The following TMEM184B variants were observed in gnomAD, a reference collection of about 807,000 sequenced individuals.
TMEM184B encodes putative MAPK-activating protein FM08.
A neutral mutation model predicts 41.8 loss-of-function variants in TMEM184B; 17 were observed. The observed-to-expected ratio is 0.41, with a 90% CI of 0.28 to 0.61. The LOEUF (loss-of-function observed/expected upper bound fraction) is 0.61, where lower values mean the gene tolerates loss of function less well. Ranked by LOEUF, TMEM184B falls within the 20% of genes least tolerant of loss-of-function variation. The pLI is 0.34. For synonymous variants in TMEM184B, 240 were observed against 229.5 expected, an observed-to-expected ratio of 1.05 and a Z score of -0.41; for missense variants, 393 against 557.8, an observed-to-expected ratio of 0.70 and a Z score of 2.98.
intron 3 of TMEM184B, among the ~76,000 whole-genome samples, chr22:38,242,533 C>T (rs1473101791): frequency 1.3e-5 from 2 of 152,174 alleles, no homozygotes; most frequent in Admixed American, 6.5e-5. Context: ...AGCAGGTCCT[C>T]AGGAAGGGCT....
Position 38,219,470 on chromosome 22 carries a change from CA to C in TMEM184B, c.*1998del. On this transcript the variant is annotated 3_prime_UTR_variant, in exon 9 of 9. Coordinates refer to ENST00000361906, the MANE Select transcript of TMEM184B (RefSeq NM_012264.5). Reference sequence around the variant, plus strand: ...AGACTCTGTCTTCTCATACATCATACAATTAATTTTTCAAGTATTCTTTATG... The same window carrying C: ...AGACTCTGTCTTCTCATACATCATACATTAATTTTTCAAGTATTCTTTATG... The C allele has an allele frequency of 1.0e-6, 1 of 985,344 alleles. No individual in the cohort carries two copies. The highest frequency in any genetic ancestry group is 1.2e-6 in the Non-Finnish European group (1 of 829,834). 61.0% of individuals were successfully genotyped at this position (985,344 alleles called of 1,614,324 possible).
At chr22:38,257,146 C>T (rs1044877928) in intron 1 of TMEM184B, among the ~76,000 whole-genome samples, 1 of 151,546 alleles carries the variant, frequency 6.6e-6, no homozygotes, top group Non-Finnish European at 1.5e-5. Flanking sequence ...AACAATATGT[C>T]TGTCACTGAC....
At chr22:38,260,971 C>T (rs1245850558) in intron 1 of TMEM184B, among the ~76,000 whole-genome samples, 1 of 152,228 alleles carries the variant, frequency 6.6e-6, no homozygotes, top group East Asian at 1.9e-4. Context: ...TTCATGCAGC[C>T]TGGGAGGGCT....
intron 3 of TMEM184B, among the ~76,000 whole-genome samples, chr22:38,242,891 G>A (rs9610921): frequency 0.27 from 41,453 of 151,728 alleles, 6,144 homozygotes; most frequent in Admixed American, 0.36. Context: ...GTGAAACCCC[G>A]TCTCTACTAA....
chr22:38,271,711 T>C (rs1464001984), intron 1 of TMEM184B, among the ~76,000 whole-genome samples: 1 of 152,190 alleles, frequency 6.6e-6, no homozygotes, highest in East Asian at 1.9e-4. Context: ...GGCTTGGGCA[T>C]CAAATGTTTC....
chr22:38,233,228 C>T (rs1029884915), intron 3 of TMEM184B, among the ~76,000 whole-genome samples: 2 of 152,236 alleles, frequency 1.3e-5, no homozygotes, highest in South Asian at 2.1e-4. Context: ...GTGGCATCCC[C>T]ATGTATATGT....
Position 38,272,960 on chromosome 22 carries a change from C to CG in TMEM184B, c.-136dup. On this transcript the variant is annotated 5_prime_UTR_variant, in exon 1 of 9. Coordinates refer to ENST00000361906, the MANE Select transcript of TMEM184B (RefSeq NM_012264.5). ...ACTCTGCGGGCGGGGCGGGCGGCGC[C>CG]GCAGCCCCGGAGTCTCCGCCGCCGC... 2.9e-6 allele frequency: 1 copy of CG among 346,306 alleles called. No individual in the cohort carries two copies. The highest frequency in any genetic ancestry group is 4.1e-6 in the Non-Finnish European group (1 of 246,458). 21.5% of individuals were successfully genotyped at this position (346,306 alleles called of 1,614,324 possible).
Position 38,220,519 on chromosome 22 carries a change from G to A in TMEM184B, c.*950C>T, listed in dbSNP as rs943630067. 1.3e-5 allele frequency: 13 copies of A among 985,880 alleles called. No individual in the cohort carries two copies. Among genetic ancestry groups the A allele is most frequent in the Non-Finnish European group, 1.6e-5 (13 of 830,032 alleles). The allele number at this position is 985,880 out of a possible 1,614,324, so 61.1% of individuals were successfully genotyped here. On this transcript the variant is annotated 3_prime_UTR_variant, in exon 9 of 9. Coordinates refer to ENST00000361906, the MANE Select transcript of TMEM184B (RefSeq NM_012264.5). ...TGTGGCCACCCCTCCCGGTCTCCCTGCCGGACTGCCTTCCCCCAGAAGCTG... is the reference window on the plus strand; with the variant it reads ...TGTGGCCACCCCTCCCGGTCTCCCTACCGGACTGCCTTCCCCCAGAAGCTG...
At position 38,224,886 on chromosome 22, in the gene TMEM184B, T is replaced by C. The variant is rs769434524; in HGVS notation, c.881A>G (p.Tyr294Cys). ...SVGEGTVAAG[Y>C]QDFIICVEMF... ...CTCCACACAGATGATGAAGTCCTGG[T>C]AGCCGGCAGCCACGGTGCCCTCGCC... is the stretch of plus-strand genomic sequence containing the variant. Residue 294 changes from tyrosine to cysteine, a missense_variant, in exon 8 of 9, where the codon TAC (tyrosine) becomes TGC (cysteine). Around this residue, in one of 2 missense-constraint regions of TMEM184B, gnomAD observed 271 missense variants for 434.1 expected, o/e 0.62. Coordinates refer to ENST00000361906, the MANE Select transcript of TMEM184B (RefSeq NM_012264.5). 1 of 1,613,580 alleles carries C rather than the reference T, an allele frequency of 6.2e-7. No individual in the cohort carries two copies. The highest frequency in any genetic ancestry group is 8.5e-7 in the Non-Finnish European group (1 of 1,179,960).
chr22:38,256,509 G>A (rs960743034), intron 1 of TMEM184B, among the ~76,000 whole-genome samples: 10 of 151,930 alleles, frequency 6.6e-5, no homozygotes, highest in Admixed American at 3.9e-4. Flanking sequence ...GATTACAGGC[G>A]TGAGCCACCA....
At position 38,225,569 on chromosome 22, in the gene TMEM184B, C is replaced by A. The variant is rs2091408998; in HGVS notation, c.642G>T (p.Val214=). The A allele has an allele frequency of 6.2e-7, 1 of 1,606,212 alleles. No individual in the cohort carries two copies. Among genetic ancestry groups the A allele is most frequent in the Non-Finnish European group, 8.5e-7 (1 of 1,176,962 alleles). ...TGACGGAGATGTTGTAGATGATGGT[C>A]ACGTAGAGGTAGCCACTGGTGACGC... ...DFDVTSGYLY[V]TIIYNISVSL... Residue 214 remains valine, a synonymous_variant, in exon 7 of 9, where the codon GTG becomes GTT. Coordinates refer to ENST00000361906, the MANE Select transcript of TMEM184B (RefSeq NM_012264.5). The surrounding 1 kb of genome is among the most constrained non-coding windows in gnomAD (Gnocchi z 4.4).
chr22:38,260,530 A>C (rs939686161), intron 1 of TMEM184B, among the ~76,000 whole-genome samples: 1 of 152,074 alleles, frequency 6.6e-6, no homozygotes, highest in East Asian at 1.9e-4. Context: ...GAGCCTGACC[A>C]CCTAGACCTG....
chr22:38,224,938 TG>T lies in TMEM184B; in HGVS notation c.828del (p.Ile278SerfsTer56), dbSNP rs1569014045. ...ACCGACACGCGGGCCGAGTGGATTT[TG>T]GGGATGGCCCCACACTTCTCCAGGA... is the stretch of plus-strand genomic sequence containing the variant. ...LAILEKCGAI[P>X]KIHSARVSVG... On this transcript the variant is annotated frameshift_variant, in exon 8 of 9. Coordinates refer to ENST00000361906, the MANE Select transcript of TMEM184B (RefSeq NM_012264.5). LOFTEE classifies it high-confidence loss of function. The T allele has an allele frequency of 6.2e-7, 1 of 1,602,196 alleles. No homozygotes were observed. The highest frequency in any genetic ancestry group is 8.5e-7 in the Non-Finnish European group (1 of 1,174,218).
In TMEM184B at chr22:38,221,154, T is replaced by C; in HGVS notation, c.*315A>G. The stretch of plus-strand genomic sequence containing the variant: ...CAGCCGCTGGTCCACACACAAGCAT[T>C]GGGGCCTGGGTGCGGCTGGTCCCAG... On this transcript the variant is annotated 3_prime_UTR_variant, in exon 9 of 9. Transcript: ENST00000361906. 11 of 1,195,578 alleles carry C rather than the reference T, an allele frequency of 9.2e-6. No homozygotes were observed. Among genetic ancestry groups the C allele is most frequent in the Non-Finnish European group, 1.1e-5 (11 of 960,458 alleles). The allele number at this position is 1,195,578 out of a possible 1,614,324, so 74.1% of individuals were successfully genotyped here.
chr22:38,216,511 AT>A (rs36116754), downstream of TMEM184B: 48,173 of 166,652 alleles, frequency 0.29, 7,339 homozygotes, highest in South Asian at 0.38. Context: ...CAGAGAATAA[AT>A]GTGTATCCTG....
At chr22:38,267,234 C>T (rs1340125471) in intron 1 of TMEM184B, among the ~76,000 whole-genome samples, 3 of 151,980 alleles carry the variant, frequency 2.0e-5, no homozygotes, top group Admixed American at 1.3e-4. Context: ...CTGGAAGTGA[C>T]GCAGGTTCAG....
chr22:38,243,827 C>A (rs1267818807), intron 3 of TMEM184B, among the ~76,000 whole-genome samples: 1 of 152,222 alleles, frequency 6.6e-6, no homozygotes, highest in Non-Finnish European at 1.5e-5. Flanking sequence ...ATGGGCCCGG[C>A]TCTGTCTGGG....
intron 1 of TMEM184B, among the ~76,000 whole-genome samples, chr22:38,259,395 G>A (rs1455870451): frequency 1.3e-5 from 2 of 152,220 alleles, no homozygotes; most frequent in Admixed American, 1.3e-4. Flanking sequence ...TGAATTAAGG[G>A]TCCTGAAATG....
In TMEM184B at chr22:38,219,329, T is replaced by A; in HGVS notation, c.*2140A>T. ...AATCTATATTATCTCATATATAGAT[T>A]TCTTCCTCACTTTATTTGCTCACTT... On this transcript the variant is annotated 3_prime_UTR_variant, in exon 9 of 9. Transcript: ENST00000361906. 1 of 985,766 alleles carries A rather than the reference T, an allele frequency of 1.0e-6. No homozygotes were observed. The highest frequency in any genetic ancestry group is 1.2e-6 in the Non-Finnish European group (1 of 829,916). The allele number at this position is 985,766 out of a possible 1,614,324, so 61.1% of individuals were successfully genotyped here. A position where few individuals can be genotyped will look rare whatever the true frequency, so the allele number is the denominator to read the frequency against.
Sources: gnomAD v4.1 joint callset for allele counts (sites outside exome capture counted in the v4.1 genomes callset) on GRCh38, gnomAD v4.1.1 for gene constraint, gnomAD v4.1.1 regional missense constraint, Gnocchi (gnomAD v3.1) non-coding constraint, MANE v1.5 for transcripts, NCBI Gene and HGNC (gene_info 2026-07-23, HGNC 2026-07-21) for gene names.